Variants in GRIN2B observed in about 807,000 individuals in gnomAD.
GRIN2B encodes glutamate ionotropic receptor NMDA type subunit 2B.
In GRIN2B, 5 loss-of-function variants were observed where a neutral mutation model predicts 114.5. The observed-to-expected ratio is 0.04, with a 90% CI of 0.02 to 0.09. The LOEUF is 0.09. Ranked by LOEUF, GRIN2B falls within the 10% of genes least tolerant of loss-of-function variation. GRIN2B has a pLI of 1.00. For missense variants in GRIN2B, 1,108 were observed against 1,943.5 expected, an observed-to-expected ratio of 0.57 and a Z score of 8.08; for synonymous variants, 787 against 745.1, an observed-to-expected ratio of 1.06 and a Z score of -0.92.
Position 13,545,934 on chromosome 12 carries a change from G to C in GRIN2B, c.*16849C>G, listed in dbSNP as rs914409345. On this transcript the variant is annotated 3_prime_UTR_variant, in exon 14 of 14. Coordinates refer to ENST00000609686, the MANE Select transcript of GRIN2B (RefSeq NM_000834.5). ...GTAAATTCCATGTTAATATGTGTAA[G>C]ACTCAGGATTAAATCAATCTGTAAA... The C allele has an allele frequency of 3.9e-5, 6 of 152,170 alleles. No homozygotes were observed. The highest frequency in any genetic ancestry group is 1.4e-4 in the African/African-American group (6 of 41,446). The allele number at this position is 152,170 out of a possible 1,614,324, so 9.4% of individuals were successfully genotyped here. A position where few individuals can be genotyped will look rare whatever the true frequency, so the allele number is the denominator to read the frequency against.
chr12:13,566,756 C>T (rs1591608644), intron 13 of GRIN2B, among the ~76,000 whole-genome samples: 2 of 152,292 alleles, frequency 1.3e-5, no homozygotes, highest in Admixed American at 6.5e-5. Context: ...GCCAAATTTT[C>T]CATTTTGACA....
At chr12:13,689,743 T>G (rs1332549742) in intron 4 of GRIN2B, among the ~76,000 whole-genome samples, 2 of 152,178 alleles carry the variant, frequency 1.3e-5, no homozygotes, top group South Asian at 2.1e-4. Flanking sequence ...CTCTACACCC[T>G]GGTCCCTTCT....
At chr12:13,763,379 G>A (rs758851214) in intron 3 of GRIN2B, among the ~76,000 whole-genome samples, 9 of 152,026 alleles carry the variant, frequency 5.9e-5, no homozygotes, top group Non-Finnish European at 7.3e-5. Flanking sequence ...TGCCTCCCAC[G>A]TACTCAATCC....
At chr12:13,794,207 CAA>C (rs3082833) in intron 3 of GRIN2B, among the ~76,000 whole-genome samples, 4 of 103,058 alleles carry the variant, frequency 3.9e-5, no homozygotes, top group Non-Finnish European at 5.7e-5. Context: ...GACTCTGTCT[CAA>C]AAAAAAAAAA....
intron 4 of GRIN2B, among the ~76,000 whole-genome samples, chr12:13,681,912 C>A (rs1950134578): frequency 6.6e-6 from 1 of 152,058 alleles, no homozygotes; most frequent in Admixed American, 6.6e-5. Flanking sequence ...TTTTGAAAGA[C>A]TAGAGTTTCT....
chr12:13,553,090 G>A lies in GRIN2B; in HGVS notation c.*9693C>T, dbSNP rs1948434350. The A allele has an allele frequency of 6.6e-6, 1 of 152,196 alleles. No homozygotes were observed. Among genetic ancestry groups the A allele is most frequent in the African/African-American group, 2.4e-5 (1 of 41,442 alleles). The allele number at this position is 152,196 out of a possible 1,614,324, so 9.4% of individuals were successfully genotyped here. ...AACGAAAACATTATCGGTTACCAGA[G>A]CAGCTGAAGTGAAAGGACAGTACGA... On this transcript the variant is annotated 3_prime_UTR_variant, in exon 14 of 14. Coordinates refer to ENST00000609686, the MANE Select transcript of GRIN2B (RefSeq NM_000834.5).
intron 4 of GRIN2B, among the ~76,000 whole-genome samples, chr12:13,685,064 T>C (rs1220387637): frequency 6.6e-6 from 1 of 152,308 alleles, no homozygotes; most frequent in East Asian, 1.9e-4. Flanking sequence ...GCATATGTAC[T>C]CAAGAAGCCC....
intron 2 of GRIN2B, among the ~76,000 whole-genome samples, chr12:13,956,457 T>C (rs1867593955): frequency 6.6e-6 from 1 of 152,214 alleles, no homozygotes; most frequent in Non-Finnish European, 1.5e-5. Context: ...AAAAATCTCT[T>C]ATCAGGGCAG....
chr12:13,923,642 G>A (rs1866859574), intron 2 of GRIN2B, among the ~76,000 whole-genome samples: 1 of 152,142 alleles, frequency 6.6e-6, no homozygotes. Flanking sequence ...CAGGGTAAAG[G>A]GATGAATGTT....
At chr12:13,903,982 T>C (rs1866499079) in intron 2 of GRIN2B, among the ~76,000 whole-genome samples, 1 of 152,054 alleles carries the variant, frequency 6.6e-6, no homozygotes, top group South Asian at 2.1e-4. Flanking sequence ...TTAATATAGG[T>C]ATATTAGTGT....
At chr12:13,807,163 T>C (rs1416770815) in intron 3 of GRIN2B, among the ~76,000 whole-genome samples, 2 of 152,194 alleles carry the variant, frequency 1.3e-5, no homozygotes, top group Non-Finnish European at 2.9e-5. Context: ...GCAAGTTCTT[T>C]AATGTTTTTG....
At chr12:13,650,208 T>G (rs143739321) in intron 5 of GRIN2B, among the ~76,000 whole-genome samples, 12 of 152,144 alleles carry the variant, frequency 7.9e-5, no homozygotes, top group African/African-American at 2.6e-4. Context: ...CACTCCTTCC[T>G]CTCCTCCATG....
chr12:13,742,479 G>A (rs754766817), intron 4 of GRIN2B, among the ~76,000 whole-genome samples: 9 of 152,160 alleles, frequency 5.9e-5, no homozygotes, highest in Non-Finnish European at 1.2e-4. Flanking sequence ...TGCCGAGGCT[G>A]GAGTACAGTG....
intron 12 of GRIN2B, among the ~76,000 whole-genome samples, chr12:13,569,394 G>C (rs1948679122): frequency 6.6e-6 from 1 of 152,186 alleles, no homozygotes; most frequent in South Asian, 2.1e-4. Context: ...GGGAAATTCA[G>C]ACACAGACAT....
intron 3 of GRIN2B, among the ~76,000 whole-genome samples, chr12:13,861,966 T>C (rs535251787): frequency 6.6e-6 from 1 of 152,312 alleles, no homozygotes; most frequent in South Asian, 2.1e-4. Context: ...AACCCTGTAA[T>C]CAACATATTA....
At chr12:13,781,534 G>T (rs967454768) in intron 3 of GRIN2B, among the ~76,000 whole-genome samples, 23 of 152,124 alleles carry the variant, frequency 1.5e-4, no homozygotes, top group African/African-American at 5.6e-4. Flanking sequence ...TTTCCAGCAT[G>T]AAATATCTAA....
chr12:13,651,917 T>C (rs1182350005), intron 5 of GRIN2B, among the ~76,000 whole-genome samples: 2 of 152,120 alleles, frequency 1.3e-5, no homozygotes, highest in African/African-American at 4.8e-5. Context: ...AGATGAGTTA[T>C]GAGAATTAAA....
chr12:13,567,335 A>AG, intron 12 of GRIN2B, 72 bp from the exon 13 acceptor site: 1 of 1,014,456 alleles, frequency 9.9e-7, no homozygotes, highest in Non-Finnish European at 1.5e-6. Context: ...AGGGAGAAAG[A>AG]GGAGTATTGA....
At chr12:13,769,500 C>T (rs1376627334) in intron 3 of GRIN2B, among the ~76,000 whole-genome samples, 1 of 152,140 alleles carries the variant, frequency 6.6e-6, no homozygotes, top group Admixed American at 6.5e-5. Context: ...CAGCATTTCT[C>T]CATCTGTTCT....
Sources: gnomAD v4.1 joint callset for allele counts (sites outside exome capture counted in the v4.1 genomes callset) on GRCh38, gnomAD v4.1.1 for gene constraint, MANE v1.5 for transcripts, NCBI Gene and HGNC (gene_info 2026-07-23, HGNC 2026-07-21) for gene names.